The following VAV3 variants were observed in gnomAD, a reference collection of about 807,000 sequenced individuals.
VAV3 encodes the protein guanine nucleotide exchange factor VAV3.
A neutral mutation model predicts 131.2 loss-of-function variants in VAV3; 94 were observed. The ratio of observed to expected loss-of-function variants is 0.72; its 90% CI spans 0.61 to 0.85. VAV3 has a LOEUF of 0.85. VAV3 is among the 40% of genes least tolerant of loss of function. The pLI is 0.00. For synonymous variants in VAV3, 349 were observed against 342.0 expected (o/e 1.02, Z -0.22); for missense variants, 939 against 1,002.7 (o/e 0.94, Z 0.86).
At chr1:107,603,711 GA>G (rs1652043956) in intron 22 of VAV3, among the ~76,000 whole-genome samples, 2 of 151,266 alleles carry the variant, frequency 1.3e-5, no homozygotes, top group African/African-American at 2.4e-5. Context: ...TTAAAAGGTA[GA>G]TTTTTTTTTT....
chr1:107,909,133 T>C (rs1429467951), intron 1 of VAV3, among the ~76,000 whole-genome samples: 1 of 152,204 alleles, frequency 6.6e-6, no homozygotes, highest in Non-Finnish European at 1.5e-5. Flanking sequence ...CCTTTTATTT[T>C]AGAAACTTTT....
At chr1:107,935,781 AT>A (rs1673682958) in intron 1 of VAV3, among the ~76,000 whole-genome samples, 1 of 152,168 alleles carries the variant, frequency 6.6e-6, no homozygotes, top group South Asian at 2.1e-4. Context: ...CCTATGCTGT[AT>A]TTTGCAGAGA....
chr1:107,958,809 G>A (rs1231197854), intron 1 of VAV3, among the ~76,000 whole-genome samples: 1 of 152,012 alleles, frequency 6.6e-6, no homozygotes, highest in Admixed American at 6.6e-5. Flanking sequence ...CCCGGTGTGT[G>A]ATGTTCCCCT....
intron 3 of VAV3, 99 bp downstream of exon 3, chr1:107,779,335 A>C (rs1665551272): frequency 1.9e-6 from 2 of 1,065,142 alleles, no homozygotes; most frequent in Admixed American, 5.6e-5. Flanking sequence ...AATGAGACAT[A>C]GTACCTGTGT....
chr1:107,838,850 G>GA (rs1205522872), intron 2 of VAV3, among the ~76,000 whole-genome samples: 1 of 152,126 alleles, frequency 6.6e-6, no homozygotes, highest in Non-Finnish European at 1.5e-5. Flanking sequence ...CACAGAAACA[G>GA]AAAATCAAAT....
At position 107,575,000 on chromosome 1, in the gene VAV3, TGCGCGCGC is replaced by T. The variant is rs1219875000; in HGVS notation, c.2351-810_2351-803del. Among the ~76,000 whole-genome samples, 370 of 103,910 alleles carry T rather than the reference TGCGCGCGC, an allele frequency of 3.6e-3. 1 individual carries two copies. The highest frequency in any genetic ancestry group is 6.1e-3 in the Non-Finnish European group (305 of 49,856). The allele number at this position is 103,910 out of a possible 152,430, so 68.2% of individuals were successfully genotyped here. ...GTGTGTGTGTGTGTGTGTGCGTGCG[TGCGCGCGC>T]GCGCGCGCACACGCGCGCGTGTTTA... On this transcript the variant is annotated intron_variant, in intron 25 of 26. Transcript: ENST00000370056.
intron 2 of VAV3, among the ~76,000 whole-genome samples, chr1:107,830,462 G>A (rs1668201951): frequency 6.6e-6 from 1 of 151,954 alleles, no homozygotes; most frequent in Non-Finnish European, 1.5e-5. Flanking sequence ...TCCAGGTGGG[G>A]GAGAACAATT....
chr1:107,745,402 G>T (rs578160352), intron 15 of VAV3, among the ~76,000 whole-genome samples: 2 of 151,982 alleles, frequency 1.3e-5, no homozygotes, highest in South Asian at 4.2e-4. Flanking sequence ...AAGCGGGGGG[G>T]AATCCTCCTG....
intron 19 of VAV3, among the ~76,000 whole-genome samples, chr1:107,681,686 G>A (rs893832522): frequency 2.8e-5 from 4 of 141,760 alleles, no homozygotes; most frequent in South Asian, 2.2e-4. Context: ...ACAGAGTCTC[G>A]CTTTGTCACC....
At chr1:107,626,736 A>T (rs1346435535) in intron 20 of VAV3, among the ~76,000 whole-genome samples, 2 of 152,216 alleles carry the variant, frequency 1.3e-5, no homozygotes, top group Non-Finnish European at 2.9e-5. Flanking sequence ...TTGGATAGGA[A>T]TCTGAAGGGG....
chr1:107,946,051 T>C (rs972918258), intron 1 of VAV3, among the ~76,000 whole-genome samples: 4 of 152,022 alleles, frequency 2.6e-5, no homozygotes, highest in Admixed American at 6.5e-5. Context: ...ACTCCAAGCA[T>C]GGGGAAGCAT....
chr1:107,722,346 T>G (rs1189596547), intron 15 of VAV3, among the ~76,000 whole-genome samples: 1 of 152,202 alleles, frequency 6.6e-6, no homozygotes, highest in Admixed American at 6.5e-5. Flanking sequence ...CCTGTGATTT[T>G]GGGATTCTCT....
chr1:107,867,699 G>C (rs1670064159), intron 2 of VAV3, among the ~76,000 whole-genome samples: 1 of 152,196 alleles, frequency 6.6e-6, no homozygotes, highest in Admixed American at 6.5e-5. Context: ...CGGCCTTGGT[G>C]AGTGGAGGTT....
At chr1:107,647,463 C>G (rs1458845714) in intron 19 of VAV3, among the ~76,000 whole-genome samples, 1 of 151,804 alleles carries the variant, frequency 6.6e-6, no homozygotes, top group East Asian at 1.9e-4. Context: ...GGAAAGTATC[C>G]TGCCTTCAAA....
chr1:107,831,211 A>T (rs1266550371), intron 2 of VAV3, among the ~76,000 whole-genome samples: 1 of 152,212 alleles, frequency 6.6e-6, no homozygotes, highest in Non-Finnish European at 1.5e-5. Flanking sequence ...AGTCTTTTAA[A>T]TTGTTTTTAT....
chr1:107,652,940 G>A (rs1005803437), intron 19 of VAV3, among the ~76,000 whole-genome samples: 1 of 151,994 alleles, frequency 6.6e-6, no homozygotes, highest in Admixed American at 6.6e-5. Context: ...CACTTTAAAT[G>A]AGATGACTTG....
At chr1:107,844,765 C>A (rs2100933863) in intron 2 of VAV3, among the ~76,000 whole-genome samples, 1 of 152,316 alleles carries the variant, frequency 6.6e-6, no homozygotes, top group East Asian at 1.9e-4. Flanking sequence ...TTCCTCCTGT[C>A]TGTGGAGGGC....
chr1:107,852,984 G>A (rs1669296712), intron 2 of VAV3, among the ~76,000 whole-genome samples: 1 of 151,968 alleles, frequency 6.6e-6, no homozygotes, highest in South Asian at 2.1e-4. Flanking sequence ...AGACAAAAAT[G>A]AAGGCTTGTA....
At chr1:107,616,984 C>G (rs1185806183) in intron 21 of VAV3, among the ~76,000 whole-genome samples, 3 of 152,062 alleles carry the variant, frequency 2.0e-5, no homozygotes, top group African/African-American at 7.2e-5. Context: ...TCATAACACA[C>G]CAGGGAGTAC....
Sources: allele counts gnomAD v4.1 joint callset (sites outside exome capture counted in the v4.1 genomes callset), GRCh38; gene constraint gnomAD v4.1.1; transcripts MANE v1.5; gene names NCBI Gene and HGNC (gene_info 2026-07-23, HGNC 2026-07-21).